Variants in HPSE2 observed in about 807,000 individuals in gnomAD.
HPSE2 encodes the protein inactive heparanase-2.
Under a neutral mutation model 60.5 loss-of-function variants are expected in HPSE2, and 38 were observed. That is an observed-to-expected ratio of 0.63 (90% CI 0.48 to 0.82). The LOEUF (loss-of-function observed/expected upper bound fraction) is 0.82, where lower values mean the gene tolerates loss of function less well. HPSE2 is among the 40% of genes least tolerant of loss of function. HPSE2 has a pLI of 0.00. For synonymous variants in HPSE2, 295 were observed against 293.2 expected (o/e 1.01, Z -0.06); for missense variants, 713 against 740.4 (o/e 0.96, Z 0.43).
chr10:98,821,313 T>C (rs1017282406), intron 3 of HPSE2, among the ~76,000 whole-genome samples: 1 of 152,228 alleles, frequency 6.6e-6, no homozygotes, highest in African/African-American at 2.4e-5. Flanking sequence ...TTATATGATA[T>C]TGCCTACTGC....
chr10:99,174,637 A>G (rs548834210), intron 2 of HPSE2, among the ~76,000 whole-genome samples: 27 of 152,336 alleles, frequency 1.8e-4, no homozygotes, highest in South Asian at 1.5e-3. Flanking sequence ...TACTTATGGA[A>G]CTACTAGCTG....
chr10:98,839,536 A>G (rs1291931325), intron 3 of HPSE2, among the ~76,000 whole-genome samples: 2 of 152,212 alleles, frequency 1.3e-5, no homozygotes, highest in African/African-American at 2.4e-5. Context: ...AATCCTCACA[A>G]TTTAGTAGGA....
rs151201621 is a variant in HPSE2, at chr10:99,004,296, CTTGTTTTGTT to C, written c.610+139932_610+139941del. ...ATCACTGTTATTTTGTTATTGTTTTCTTGTTTTGTTTTGTTTTGTTTTGTTTTTAGAACCT... is the reference window on the plus strand; with the variant it reads ...ATCACTGTTATTTTGTTATTGTTTTCTTGTTTTGTTTTGTTTTTAGAACCT... On this transcript the variant is annotated intron_variant, in intron 3 of 11. Coordinates refer to ENST00000370552, the MANE Select transcript of HPSE2 (RefSeq NM_021828.5). Among the ~76,000 whole-genome samples the C allele has an allele frequency of 4.9e-4, 74 of 151,522 alleles. No homozygotes were observed. The Middle Eastern group carries it at 0.01, about 21-fold the overall frequency.
At chr10:98,461,739 T>G (rs991813638) in intron 11 of HPSE2, 1 of 1,539,792 alleles carries the variant, frequency 6.5e-7, no homozygotes. Flanking sequence ...TATACAGAAT[T>G]AGGTGCAAAC....
chr10:99,154,924 G>C (rs1477055876), intron 2 of HPSE2, among the ~76,000 whole-genome samples: 3 of 151,230 alleles, frequency 2.0e-5, no homozygotes, highest in Non-Finnish European at 4.4e-5. Context: ...CAAGCAAATG[G>C]AAAACAAAAA....
intron 3 of HPSE2, among the ~76,000 whole-genome samples, chr10:98,854,055 C>T (rs1232981499): frequency 6.6e-6 from 1 of 152,042 alleles, no homozygotes; most frequent in African/African-American, 2.4e-5. Flanking sequence ...AATAATACAA[C>T]AAAAAAGTTG....
chr10:98,504,208 C>G (rs1383515356), intron 9 of HPSE2, among the ~76,000 whole-genome samples: 2 of 152,144 alleles, frequency 1.3e-5, no homozygotes, highest in Non-Finnish European at 2.9e-5. Flanking sequence ...TTGTTTTTCA[C>G]TCTGCAAGAG....
intron 3 of HPSE2, among the ~76,000 whole-genome samples, chr10:98,938,969 C>T (rs1173980790): frequency 4.9e-5 from 7 of 144,084 alleles, no homozygotes; most frequent in Non-Finnish European, 8.9e-5. Context: ...CCAAGAATTT[C>T]ATATCCAGCC....
At chr10:98,619,813 C>T (rs371401027) in intron 8 of HPSE2, among the ~76,000 whole-genome samples, 1 of 152,216 alleles carries the variant, frequency 6.6e-6, no homozygotes, top group Admixed American at 6.5e-5. Context: ...CTCCCTGATA[C>T]TCCCAGTCAC....
intron 5 of HPSE2, among the ~76,000 whole-genome samples, chr10:98,716,401 C>T (rs1031625110): frequency 6.6e-6 from 1 of 151,038 alleles, no homozygotes; most frequent in East Asian, 1.9e-4. Flanking sequence ...CTAACCTGCA[C>T]AATGTGCACA....
At chr10:99,048,434 T>C (rs745409140) in intron 3 of HPSE2, 23 of 218,924 alleles carry the variant, frequency 1.1e-4, no homozygotes, top group Middle Eastern at 1.6e-3. Flanking sequence ...AACAGACACT[T>C]CTCAAAAGAA....
chr10:98,625,250 G>A (rs1946176985), intron 7 of HPSE2, among the ~76,000 whole-genome samples: 1 of 152,170 alleles, frequency 6.6e-6, no homozygotes, highest in Non-Finnish European at 1.5e-5. Context: ...CTGCAAAAAC[G>A]ACCTTAGAGA....
At chr10:98,720,976 T>C (rs1046789143) in intron 5 of HPSE2, among the ~76,000 whole-genome samples, 7 of 152,206 alleles carry the variant, frequency 4.6e-5, no homozygotes, top group Admixed American at 4.6e-4. Flanking sequence ...TTTTTGTTAT[T>C]GTTAGTTCAA....
intron 6 of HPSE2, among the ~76,000 whole-genome samples, chr10:98,668,783 C>T (rs562370261): frequency 3.9e-5 from 6 of 152,238 alleles, no homozygotes; most frequent in Admixed American, 3.9e-4. Context: ...AAATGTAATA[C>T]CTCAAACTAT....
chr10:99,225,461 A>G (rs1008221679), intron 2 of HPSE2, among the ~76,000 whole-genome samples: 1 of 152,118 alleles, frequency 6.6e-6, no homozygotes, highest in African/African-American at 2.4e-5. Flanking sequence ...GCCTACATTT[A>G]CTCTACAAAA....
intron 2 of HPSE2, among the ~76,000 whole-genome samples, chr10:99,190,668 C>T (rs184054656): frequency 6.6e-6 from 1 of 152,250 alleles, no homozygotes; most frequent in Admixed American, 6.5e-5. Context: ...ATAGAAGCCT[C>T]CAGCAATTGT....
the HPSE2 span, among the ~76,000 whole-genome samples, chr10:99,314,722 T>C: frequency 6.6e-6 from 1 of 152,204 alleles, no homozygotes. Context: ...ACAAAATAAA[T>C]CCTTTTTATT....
chr10:98,721,162 T>C (rs1371055582), intron 5 of HPSE2, among the ~76,000 whole-genome samples: 1 of 151,756 alleles, frequency 6.6e-6, no homozygotes, highest in Non-Finnish European at 1.5e-5. Flanking sequence ...CAGTCAAAAC[T>C]AAATAGGAAA....
At chr10:98,630,196 T>G (rs199579365) in intron 7 of HPSE2, among the ~76,000 whole-genome samples, 30,594 of 128,928 alleles carry the variant, frequency 0.24, 1,418 homozygotes, top group East Asian at 0.32. Context: ...TTTTTTTTTG[T>G]TTTTTTTTTT....
Sources: gnomAD v4.1 joint callset for allele counts (sites outside exome capture counted in the v4.1 genomes callset) on GRCh38, gnomAD v4.1.1 for gene constraint, MANE v1.5 for transcripts, NCBI Gene and HGNC (gene_info 2026-07-23, HGNC 2026-07-21) for gene names.